The following SHISA9 variants were observed in gnomAD, a reference collection of about 807,000 sequenced individuals.
SHISA9 encodes shisa family member 9.
In SHISA9, 13 loss-of-function variants were observed where a neutral mutation model predicts 38.0. The ratio of observed to expected loss-of-function variants is 0.34; its 90% CI spans 0.22 to 0.54. The LOEUF (loss-of-function observed/expected upper bound fraction) is 0.54. Among genes scored for constraint, SHISA9 ranks in the 20% least tolerant of loss-of-function variants. The pLI, the probability that SHISA9 is intolerant of heterozygous loss-of-function variation, is 0.91. For synonymous variants in SHISA9, 275 were observed against 242.0 expected, an observed-to-expected ratio of 1.14 and a Z score of -1.27; for missense variants, 538 against 575.8, an observed-to-expected ratio of 0.93 and a Z score of 0.67.
intron 2 of SHISA9, among the ~76,000 whole-genome samples, chr16:13,120,714 C>A (rs1338676125): frequency 1.3e-5 from 2 of 152,102 alleles, no homozygotes; most frequent in Admixed American, 1.3e-4. Flanking sequence ...GGAAGGCTGT[C>A]TTCTTAGAGG....
intron 2 of SHISA9, among the ~76,000 whole-genome samples, chr16:13,002,724 G>A (rs1193605519): frequency 1.3e-5 from 2 of 151,710 alleles, no homozygotes; most frequent in African/African-American, 4.8e-5. Context: ...ATAGAGATGA[G>A]ATTTCATTAC....
the SHISA9 span, among the ~76,000 whole-genome samples, chr16:13,406,060 C>G: frequency 1.3e-5 from 2 of 152,210 alleles, no homozygotes; most frequent in South Asian, 2.1e-4. Context: ...AAACGACAAC[C>G]TACAGAATGG....
intron 2 of SHISA9, among the ~76,000 whole-genome samples, chr16:12,999,368 C>T (rs901307658): frequency 7.9e-5 from 12 of 152,104 alleles, no homozygotes; most frequent in African/African-American, 2.9e-4. Context: ...TGACAATGGG[C>T]GCGTTGTGTG....
At chr16:13,325,400 T>C in the SHISA9 span, among the ~76,000 whole-genome samples, 2 of 152,210 alleles carry the variant, frequency 1.3e-5, no homozygotes, top group Non-Finnish European at 2.9e-5. Flanking sequence ...GAAGGTATTA[T>C]GAGGCATGTC....
At chr16:13,189,314 T>C (rs2050860039) in intron 2 of SHISA9, among the ~76,000 whole-genome samples, 2 of 152,188 alleles carry the variant, frequency 1.3e-5, no homozygotes, top group Admixed American at 1.3e-4. Context: ...TTTCATTCCA[T>C]AGAGGTGGCT....
the SHISA9 span, among the ~76,000 whole-genome samples, chr16:13,433,158 A>G: frequency 6.6e-6 from 1 of 152,188 alleles, no homozygotes; most frequent in South Asian, 2.1e-4. Flanking sequence ...CATAGTTACA[A>G]CTTATTAATG....
intron 2 of SHISA9, among the ~76,000 whole-genome samples, chr16:13,008,369 T>C (rs1407179579): frequency 1.3e-5 from 2 of 152,320 alleles, no homozygotes; most frequent in African/African-American, 2.4e-5. Flanking sequence ...TGCACTCGAA[T>C]CTTTGTCTCA....
chr16:13,210,102 A>C (rs891678676), intron 3 of SHISA9, among the ~76,000 whole-genome samples: 5 of 152,168 alleles, frequency 3.3e-5, no homozygotes, highest in Non-Finnish European at 5.9e-5. Context: ...CTCTGTCTCA[A>C]AAAAAAGAAA....
chr16:13,138,968 T>C (rs1431951234), intron 2 of SHISA9, among the ~76,000 whole-genome samples: 1 of 152,118 alleles, frequency 6.6e-6, no homozygotes, highest in Non-Finnish European at 1.5e-5. Flanking sequence ...CCTGAAGCAT[T>C]GCGGGATGGA....
At chr16:12,984,926 C>T (rs1315043848) in intron 2 of SHISA9, among the ~76,000 whole-genome samples, 1 of 152,126 alleles carries the variant, frequency 6.6e-6, no homozygotes, top group Admixed American at 6.5e-5. Flanking sequence ...ACTCTGAAGC[C>T]TAATGTATGT....
chr16:13,253,436 C>G, the SHISA9 span, among the ~76,000 whole-genome samples: 33 of 152,070 alleles, frequency 2.2e-4, no homozygotes, highest in Non-Finnish European at 2.4e-4. Flanking sequence ...AAAGACATAC[C>G]GAAGGCTGGG....
At chr16:13,255,178 A>G in the SHISA9 span, among the ~76,000 whole-genome samples, 2 of 151,676 alleles carry the variant, frequency 1.3e-5, no homozygotes, top group East Asian at 1.9e-4. Flanking sequence ...TACTTTGACT[A>G]TATCTTTCTC....
At chr16:13,074,712 TG>T (rs1392302537) in intron 2 of SHISA9, among the ~76,000 whole-genome samples, 1 of 151,284 alleles carries the variant, frequency 6.6e-6, no homozygotes, top group Admixed American at 6.6e-5. Context: ...TCACCCAGGC[TG>T]GAGTGCAATG....
chr16:13,255,923 A>G, the SHISA9 span, among the ~76,000 whole-genome samples: 1 of 152,226 alleles, frequency 6.6e-6, no homozygotes, highest in Non-Finnish European at 1.5e-5. Flanking sequence ...CAGAATACTT[A>G]AATTTATGCT....
chr16:12,943,806 C>G (rs764890377), intron 2 of SHISA9, among the ~76,000 whole-genome samples: 1 of 152,152 alleles, frequency 6.6e-6, no homozygotes, highest in Non-Finnish European at 1.5e-5. Flanking sequence ...AATATAGATC[C>G]TATTTTACAG....
intron 2 of SHISA9, among the ~76,000 whole-genome samples, chr16:13,172,650 A>G (rs1248015156): frequency 1.3e-5 from 2 of 152,162 alleles, no homozygotes; most frequent in African/African-American, 4.8e-5. Context: ...TCTTCCAGCA[A>G]CAATGTCAGC....
the SHISA9 span, among the ~76,000 whole-genome samples, chr16:13,291,743 G>T: frequency 6.6e-6 from 1 of 152,128 alleles, no homozygotes; most frequent in Non-Finnish European, 1.5e-5. Flanking sequence ...CAAAATAGAT[G>T]TAAAGCTAAT....
chr16:12,907,391 C>G (rs2071116456), intron 1 of SHISA9, among the ~76,000 whole-genome samples: 1 of 148,288 alleles, frequency 6.7e-6, no homozygotes, highest in African/African-American at 2.5e-5. Flanking sequence ...TCTTCCTTCC[C>G]TCTTCCCCTC....
intron 2 of SHISA9, among the ~76,000 whole-genome samples, chr16:12,923,015 A>G (rs1382201687): frequency 6.7e-6 from 1 of 149,338 alleles, no homozygotes; most frequent in Non-Finnish European, 1.5e-5. Flanking sequence ...TTTTGTAGAA[A>G]TGGGTCTCAC....
Sources: allele counts gnomAD v4.1 joint callset (sites outside exome capture counted in the v4.1 genomes callset), GRCh38; gene constraint gnomAD v4.1.1; transcripts MANE v1.5; gene names NCBI Gene and HGNC (gene_info 2026-07-23, HGNC 2026-07-21).